The following DOCK4 variants were observed in gnomAD, a reference collection of about 807,000 sequenced individuals.
DOCK4 encodes dedicator of cytokinesis protein 4.
A neutral mutation model predicts 268.1 loss-of-function variants in DOCK4; 97 were observed. The ratio of observed to expected loss-of-function variants is 0.36; its 90% CI spans 0.31 to 0.43. The LOEUF (loss-of-function observed/expected upper bound fraction) is 0.43. DOCK4 is among the 20% of genes least tolerant of loss of function. The pLI is 1.00. For missense variants in DOCK4, 2,145 were observed against 2,455.7 expected (o/e 0.87, Z 2.67); for synonymous variants, 954 against 887.2 (o/e 1.08, Z -1.34).
At chr7:112,177,828 G>T (rs868489579) in intron 1 of DOCK4, among the ~76,000 whole-genome samples, 1 of 152,068 alleles carries the variant, frequency 6.6e-6, no homozygotes, top group Non-Finnish European at 1.5e-5. Context: ...TCAGCATTAG[G>T]TTTGCTTAAA....
chr7:112,198,632 A>G (rs919965344), intron 1 of DOCK4, among the ~76,000 whole-genome samples: 2 of 152,196 alleles, frequency 1.3e-5, no homozygotes, highest in Non-Finnish European at 2.9e-5. Context: ...CTTCATAAAT[A>G]ACAATGTGTA....
At chr7:111,924,342 T>A (rs1793416821) in intron 12 of DOCK4, among the ~76,000 whole-genome samples, 1 of 152,196 alleles carries the variant, frequency 6.6e-6, no homozygotes. Context: ...TTACTTTTTT[T>A]AGGCTATACA....
intron 1 of DOCK4, among the ~76,000 whole-genome samples, chr7:112,115,692 T>C (rs1256876333): frequency 1.3e-5 from 2 of 152,080 alleles, no homozygotes. Context: ...AATCTATTTA[T>C]CTATCTATTA....
At chr7:112,055,363 C>A (rs960799649) in intron 1 of DOCK4, among the ~76,000 whole-genome samples, 2 of 152,168 alleles carry the variant, frequency 1.3e-5, no homozygotes, top group African/African-American at 4.8e-5. Context: ...CGCATACCCC[C>A]ACACTCACTC....
intron 8 of DOCK4, among the ~76,000 whole-genome samples, chr7:111,973,463 A>G (rs1304084183): frequency 6.6e-6 from 1 of 152,108 alleles, no homozygotes; most frequent in Non-Finnish European, 1.5e-5. Context: ...AATGACACAT[A>G]AGTTGCAGGA....
At chr7:111,732,415 T>TG in intron 51 of DOCK4, 128 bp from the exon 52 acceptor site, 1 of 874,866 alleles carries the variant, frequency 1.1e-6, no homozygotes, top group East Asian at 2.6e-5. Flanking sequence ...GCAAAGGGGG[T>TG]GGTGAGGATG....
intron 1 of DOCK4, among the ~76,000 whole-genome samples, chr7:112,008,462 C>A (rs952679793): frequency 6.6e-6 from 1 of 152,120 alleles, no homozygotes; most frequent in African/African-American, 2.4e-5. Flanking sequence ...TACGTATTGA[C>A]AGTTTATTAA....
At chr7:112,174,181 T>C (rs1376098470) in intron 1 of DOCK4, among the ~76,000 whole-genome samples, 1 of 152,164 alleles carries the variant, frequency 6.6e-6, no homozygotes, top group African/African-American at 2.4e-5. Flanking sequence ...TGAGAGTCTG[T>C]GGTATCCCAT....
chr7:111,991,091 G>A (rs1163447108), intron 5 of DOCK4, among the ~76,000 whole-genome samples: 1 of 152,168 alleles, frequency 6.6e-6, no homozygotes, highest in African/African-American at 2.4e-5. Context: ...AAAGTCACCT[G>A]CCTGCTCTTG....
chr7:111,991,797 T>C (rs918927879), intron 5 of DOCK4, among the ~76,000 whole-genome samples: 6 of 151,610 alleles, frequency 4.0e-5, no homozygotes, highest in Non-Finnish European at 7.4e-5. Context: ...CCGTCTCTAC[T>C]AAAAATACAA....
At chr7:111,916,273 T>C (rs925519787) in intron 12 of DOCK4, among the ~76,000 whole-genome samples, 2 of 151,956 alleles carry the variant, frequency 1.3e-5, no homozygotes, top group Non-Finnish European at 2.9e-5. Context: ...GACATCAAAA[T>C]GGGAGGTTTA....
At chr7:111,926,943 G>C (rs1793763575) in intron 12 of DOCK4, among the ~76,000 whole-genome samples, 1 of 152,134 alleles carries the variant, frequency 6.6e-6, no homozygotes, top group Non-Finnish European at 1.5e-5. Context: ...AGGAAGACAG[G>C]AAGAAAGAAA....
chr7:111,782,786 A>C, intron 35 of DOCK4, 78 bp downstream of exon 35: 1 of 1,433,412 alleles, frequency 7.0e-7, no homozygotes, highest in South Asian at 1.2e-5. Flanking sequence ...CAGATTAAAC[A>C]CAAACAAAAC....
chr7:111,826,147 T>C (rs1405677086), intron 26 of DOCK4, among the ~76,000 whole-genome samples: 2 of 152,138 alleles, frequency 1.3e-5, no homozygotes, highest in African/African-American at 2.4e-5. Flanking sequence ...CACAGATACA[T>C]GTATGCTTTG....
At chr7:112,116,052 T>C (rs954232647) in intron 1 of DOCK4, among the ~76,000 whole-genome samples, 1 of 152,164 alleles carries the variant, frequency 6.6e-6, no homozygotes, top group Non-Finnish European at 1.5e-5. Context: ...GTACAACTCA[T>C]GACACTAAGT....
intron 1 of DOCK4, among the ~76,000 whole-genome samples, chr7:112,145,352 A>G (rs1490402673): frequency 6.6e-6 from 1 of 152,160 alleles, no homozygotes; most frequent in Non-Finnish European, 1.5e-5. Flanking sequence ...TCTCTCTTAA[A>G]CAACATAGGA....
At chr7:111,811,297 C>T (rs2133910474) in intron 28 of DOCK4, among the ~76,000 whole-genome samples, 1 of 151,950 alleles carries the variant, frequency 6.6e-6, no homozygotes, top group African/African-American at 2.4e-5. Context: ...AAGAAAGATG[C>T]CCAAAACAAA....
chr7:112,135,415 GA>G (rs35037508), intron 1 of DOCK4, among the ~76,000 whole-genome samples: 44,909 of 151,140 alleles, frequency 0.3, 8,418 homozygotes, highest in South Asian at 0.43. Flanking sequence ...AGGTACTTGA[GA>G]AAAAAAAATA....
chr7:111,731,279 T>A (rs1315463066), intron 52 of DOCK4, among the ~76,000 whole-genome samples: 1 of 152,210 alleles, frequency 6.6e-6, no homozygotes, highest in Non-Finnish European at 1.5e-5. Context: ...TTTTCCCGTT[T>A]CTCAATTTCT....
Sources: gnomAD v4.1 joint callset for allele counts (sites outside exome capture counted in the v4.1 genomes callset) on GRCh38, gnomAD v4.1.1 for gene constraint, MANE v1.5 for transcripts, NCBI Gene and HGNC (gene_info 2026-07-23, HGNC 2026-07-21) for gene names.